IGF2BP3: variants seen among roughly 807,000 people sequenced by gnomAD.
The protein encoded by IGF2BP3 is insulin like growth factor 2 mRNA binding protein 3.
In IGF2BP3, 9 loss-of-function variants were observed where a neutral mutation model predicts 73.8. The ratio of observed to expected loss-of-function variants is 0.12; its 90% CI spans 0.07 to 0.21. The LOEUF (loss-of-function observed/expected upper bound fraction) is 0.21, where lower values mean the gene tolerates loss of function less well. Among genes scored for constraint, IGF2BP3 ranks in the 10% least tolerant of loss-of-function variants. The probability of loss-of-function intolerance (pLI) is 1.00; values close to 1 mark genes in which losing one functional copy is unlikely to be tolerated. For synonymous variants in IGF2BP3, 258 were observed against 256.7 expected (o/e 1.01, Z -0.05); for missense variants, 542 against 714.0 (o/e 0.76, Z 2.75).
At chr7:23,460,200 A>AAAAAAAAAAAG (rs1788415571) in intron 2 of IGF2BP3, among the ~76,000 whole-genome samples, 1 of 148,432 alleles carries the variant, frequency 6.7e-6, no homozygotes, top group Non-Finnish European at 1.5e-5. Flanking sequence ...AAAAAAACAA[A>AAAAAAAAAAAG]AACGAAAGTG....
At chr7:23,393,247 G>A (rs1257036457) in intron 3 of IGF2BP3, among the ~76,000 whole-genome samples, 7 of 152,134 alleles carry the variant, frequency 4.6e-5, no homozygotes, top group Non-Finnish European at 7.3e-5. Flanking sequence ...ACCAGGCAAC[G>A]TGGTTAAATC....
chr7:23,464,808 AT>A (rs908083637), intron 2 of IGF2BP3, among the ~76,000 whole-genome samples: 2 of 152,014 alleles, frequency 1.3e-5, no homozygotes, highest in African/African-American at 4.8e-5. Context: ...ATATCCTATT[AT>A]TTTTTTCTCC....
chr7:23,402,147 T>C (rs1562729437), intron 3 of IGF2BP3: 1 of 152,192 alleles, frequency 6.6e-6, no homozygotes. Flanking sequence ...AAATGCAGTC[T>C]AAGTCCAAAA....
intron 2 of IGF2BP3, among the ~76,000 whole-genome samples, chr7:23,425,139 T>A (rs1787471929): frequency 6.6e-6 from 1 of 152,262 alleles, no homozygotes; most frequent in South Asian, 2.1e-4. Context: ...CTAATAACTA[T>A]CTTTTTACAT....
At chr7:23,401,679 G>A (rs1234082449) in intron 3 of IGF2BP3, among the ~76,000 whole-genome samples, 2 of 151,830 alleles carry the variant, frequency 1.3e-5, no homozygotes, top group Non-Finnish European at 2.9e-5. Context: ...GCAGGAGAAT[G>A]GCTTGAACCC....
intron 10 of IGF2BP3, among the ~76,000 whole-genome samples, chr7:23,335,135 C>T (rs1460342258): frequency 7.0e-6 from 1 of 142,348 alleles, no homozygotes; most frequent in African/African-American, 2.6e-5. Context: ...ATAACCAAGG[C>T]TTCTCAGAGA....
chr7:23,371,562 G>GT (rs1785549278), intron 3 of IGF2BP3, among the ~76,000 whole-genome samples: 1 of 152,086 alleles, frequency 6.6e-6, no homozygotes, highest in Non-Finnish European at 1.5e-5. Context: ...TGTTAGCACC[G>GT]TAATTACTTG....
chr7:23,420,307 A>C (rs1448222268), intron 2 of IGF2BP3, among the ~76,000 whole-genome samples: 13 of 151,916 alleles, frequency 8.6e-5, no homozygotes, highest in Admixed American at 7.9e-4. Context: ...CTCTACAAAA[A>C]TCTTTTTAAA....
chr7:23,360,604 T>A (rs1465447903), intron 5 of IGF2BP3, among the ~76,000 whole-genome samples: 2 of 152,260 alleles, frequency 1.3e-5, no homozygotes, highest in Non-Finnish European at 2.9e-5. Flanking sequence ...CATTTCCATC[T>A]TCTTCTCAGT....
At chr7:23,431,196 T>C (rs188794474) in intron 2 of IGF2BP3, 3 of 152,334 alleles carry the variant, frequency 2.0e-5, no homozygotes, top group Non-Finnish European at 4.4e-5. Context: ...GGTAGAATCA[T>C]CTGCAGTTTT....
chr7:23,396,414 T>TACACACACACACAC (rs375114853), intron 3 of IGF2BP3: 2 of 153,746 alleles, frequency 1.3e-5, no homozygotes, highest in Admixed American at 6.4e-5. Context: ...AATATGTACT[T>TACACACACACACAC]ACACACACAC....
rs142940847 is a variant in IGF2BP3, at chr7:23,342,079, G to A, written c.1188C>T (p.Pro396=). ...GTTATCTTACCTCAAACTGCGGGTA[G>A]GGAGGAGTCATGGCTGAAGGGGGCC... The part of the protein sequence containing the change: ...TSGPPSAMTP[P]YPQFEQSETE... Residue 396 remains proline, a synonymous_variant, in exon 10 of 15, where the codon CCC becomes CCT. Transcript: ENST00000258729. 34 of 1,586,366 alleles carry A rather than the reference G, an allele frequency of 2.1e-5. No homozygotes were observed. Among genetic ancestry groups the A allele is most frequent in the South Asian group, 1.5e-4 (13 of 86,402 alleles).
intron 3 of IGF2BP3, among the ~76,000 whole-genome samples, chr7:23,371,366 T>C (rs1387418233): frequency 6.6e-6 from 1 of 152,218 alleles, no homozygotes; most frequent in Non-Finnish European, 1.5e-5. Context: ...CAGGAACTAC[T>C]TATCTGTCAT....
chr7:23,319,926 T>C (rs890661614), intron 10 of IGF2BP3, among the ~76,000 whole-genome samples: 2 of 152,176 alleles, frequency 1.3e-5, no homozygotes, highest in African/African-American at 4.8e-5. Flanking sequence ...TGCTTTTTTT[T>C]TGAGATGGAA....
intron 2 of IGF2BP3, among the ~76,000 whole-genome samples, chr7:23,454,771 GCA>G (rs1208089648): frequency 6.6e-6 from 1 of 152,178 alleles, no homozygotes; most frequent in Non-Finnish European, 1.5e-5. Context: ...AGTAGTACGT[GCA>G]CACAGAAGTG....
chr7:23,402,124 AAAAC>A (rs1300992922), intron 3 of IGF2BP3: 2 of 152,292 alleles, frequency 1.3e-5, no homozygotes, highest in Admixed American at 6.5e-5. Context: ...CTCAAAAACA[AAAAC>A]AAACAAAGAA....
chr7:23,373,554 T>G (rs369982579), intron 3 of IGF2BP3, among the ~76,000 whole-genome samples: 6 of 152,116 alleles, frequency 3.9e-5, no homozygotes, highest in African/African-American at 1.4e-4. Flanking sequence ...AGGAAAATAA[T>G]GAGTGTTGAC....
intron 5 of IGF2BP3, among the ~76,000 whole-genome samples, chr7:23,353,357 GCAGA>G (rs1412689818): frequency 1.3e-5 from 2 of 152,200 alleles, no homozygotes; most frequent in African/African-American, 4.8e-5. Flanking sequence ...ACCTGGGCAA[GCAGA>G]CAGAGGGCTC....
chr7:23,427,983 G>T, intron 2 of IGF2BP3, among the ~76,000 whole-genome samples: 1 of 151,820 alleles, frequency 6.6e-6, no homozygotes, highest in East Asian at 1.9e-4. Context: ...TCCAGCCTGG[G>T]TGACAGGGCG....
Sources: gnomAD v4.1 joint callset for allele counts (sites outside exome capture counted in the v4.1 genomes callset) on GRCh38, gnomAD v4.1.1 for gene constraint, MANE v1.5 for transcripts, NCBI Gene and HGNC (gene_info 2026-07-23, HGNC 2026-07-21) for gene names.